The following KCNH7 variants were observed in gnomAD, a reference collection of about 807,000 sequenced individuals.
KCNH7 encodes voltage-gated inwardly rectifying potassium channel KCNH7.
In KCNH7, 49 loss-of-function variants were observed where a neutral mutation model predicts 120.8. The observed-to-expected ratio is 0.41, with a 90% confidence interval of 0.32 to 0.51. The LOEUF is 0.51. KCNH7 is among the 20% of genes least tolerant of loss of function. KCNH7 has a pLI of 0.38. For synonymous variants in KCNH7, 547 were observed against 516.1 expected (o/e 1.06, Z -0.81); for missense variants, 1,097 against 1,446.6 (o/e 0.76, Z 3.92).
At chr2:162,741,175 A>C (rs1235787482) in intron 2 of KCNH7, among the ~76,000 whole-genome samples, 1 of 150,360 alleles carries the variant, frequency 6.7e-6, no homozygotes, top group African/African-American at 2.5e-5. Flanking sequence ...AGCATTATAC[A>C]TATTAATAAC....
intron 2 of KCNH7, among the ~76,000 whole-genome samples, chr2:162,715,628 G>A (rs923928628): frequency 6.6e-6 from 1 of 152,128 alleles, no homozygotes; most frequent in African/African-American, 2.4e-5. Flanking sequence ...TGGGCCAATG[G>A]TACGTCAGCA....
At chr2:162,638,714 G>C (rs148211971) in intron 2 of KCNH7, among the ~76,000 whole-genome samples, 1 of 152,030 alleles carries the variant, frequency 6.6e-6, no homozygotes, top group Non-Finnish European at 1.5e-5. Context: ...TTACTCTCTG[G>C]CTGGTGACCC....
intron 9 of KCNH7, among the ~76,000 whole-genome samples, chr2:162,420,398 A>T (rs1481791629): frequency 1.3e-5 from 2 of 151,992 alleles, no homozygotes; most frequent in Non-Finnish European, 2.9e-5. Flanking sequence ...AAAAACAAAA[A>T]CAATACAAAA....
chr2:162,421,936 A>G (rs1364329497), intron 9 of KCNH7, among the ~76,000 whole-genome samples: 1 of 152,174 alleles, frequency 6.6e-6, no homozygotes, highest in East Asian at 1.9e-4. Context: ...CAGCCAACCC[A>G]GCAGCAGAGA....
intron 4 of KCNH7, among the ~76,000 whole-genome samples, chr2:162,517,300 T>A (rs75637434): frequency 1.3e-5 from 2 of 151,798 alleles, no homozygotes; most frequent in East Asian, 3.9e-4. Context: ...ACATCACAGT[T>A]CCTATGCTGC....
rs1409245349 is a variant in KCNH7 at position 162,632,155 on chromosome 2, CAT to C, written c.308-95077_308-95076del. On this transcript the variant is annotated intron_variant, in intron 2 of 15. Transcript: ENST00000332142. ...TAATCAACTGAAAACTACTGAAAGA[CAT>C]AAAATGATTCAGCAAGATGGTAAGT... 1.2e-4 allele frequency among the ~76,000 whole-genome samples: 18 copies of C among 152,006 alleles called. No homozygotes were observed. The South Asian group carries it at 3.5e-3, about 30-fold the overall frequency.
chr2:162,729,497 T>C (rs1687646060), intron 2 of KCNH7, among the ~76,000 whole-genome samples: 1 of 152,192 alleles, frequency 6.6e-6, no homozygotes, highest in African/African-American at 2.4e-5. Context: ...TCAATTGATA[T>C]TTGAAAATTG....
chr2:162,685,909 C>A (rs1019544583), intron 2 of KCNH7, among the ~76,000 whole-genome samples: 5 of 151,980 alleles, frequency 3.3e-5, no homozygotes, highest in Non-Finnish European at 5.9e-5. Context: ...GATTGTTACT[C>A]AGTCAGGAAA....
chr2:162,639,974 C>G (rs1207468052), intron 2 of KCNH7, among the ~76,000 whole-genome samples: 1 of 152,104 alleles, frequency 6.6e-6, no homozygotes, highest in African/African-American at 2.4e-5. Flanking sequence ...ACCAAGATTA[C>G]TTAGGTGTCA....
intron 9 of KCNH7, among the ~76,000 whole-genome samples, chr2:162,410,696 G>A (rs1216467124): frequency 6.6e-6 from 1 of 151,894 alleles, no homozygotes; most frequent in East Asian, 1.9e-4. Context: ...TGCACACTGT[G>A]CATCTGATAA....
rs564571771 is a variant in KCNH7, at chr2:162,566,058, C to A, written c.308-28978G>T. On this transcript the variant is annotated intron_variant, in intron 2 of 15. Transcript: ENST00000332142. ...AAGTTCCTTTCATCTATCTGGGAACCATGACCTGCCACTTTAATGCTCATA... is the reference window on the plus strand; with the variant it reads ...AAGTTCCTTTCATCTATCTGGGAACAATGACCTGCCACTTTAATGCTCATA... 3.9e-5 allele frequency among the ~76,000 whole-genome samples: 6 copies of A among 152,024 alleles called. No homozygotes were observed. In the East Asian group the frequency reaches 1.2e-3, roughly 29 times the overall value.
chr2:162,675,744 AG>A (rs1411347707), intron 2 of KCNH7, among the ~76,000 whole-genome samples: 1 of 151,594 alleles, frequency 6.6e-6, no homozygotes, highest in East Asian at 1.9e-4. Flanking sequence ...GAAGTACATC[AG>A]GTAGGGAGGA....
intron 2 of KCNH7, among the ~76,000 whole-genome samples, chr2:162,548,739 T>C (rs1171189596): frequency 2.6e-5 from 4 of 152,198 alleles, no homozygotes; most frequent in Non-Finnish European, 5.9e-5. Flanking sequence ...TGGAATAAGT[T>C]ACTTAACTGC....
At chr2:162,807,003 G>A (rs909412310) in intron 2 of KCNH7, among the ~76,000 whole-genome samples, 3 of 151,718 alleles carry the variant, frequency 2.0e-5, no homozygotes, top group African/African-American at 7.3e-5. Flanking sequence ...AGAAACTATA[G>A]TATAGAAATA....
intron 3 of KCNH7, among the ~76,000 whole-genome samples, chr2:162,527,325 A>G (rs1350687516): frequency 6.6e-6 from 1 of 152,064 alleles, no homozygotes; most frequent in Non-Finnish European, 1.5e-5. Context: ...GATTGTTTCT[A>G]TAGTAATGCT....
At chr2:162,749,478 C>T (rs1296882213) in intron 2 of KCNH7, among the ~76,000 whole-genome samples, 1 of 152,014 alleles carries the variant, frequency 6.6e-6, no homozygotes, top group African/African-American at 2.4e-5. Context: ...GAAACAACAA[C>T]ATAATAAAAA....
rs186162238 is a variant in KCNH7 at position 162,622,009 on chromosome 2, T to A, written c.308-84929A>T. Among the ~76,000 whole-genome samples the A allele has an allele frequency of 3.1e-3, 467 of 152,322 alleles. 2 individuals are homozygous for A. Among genetic ancestry groups the A allele is most frequent in the African/African-American group, 0.011 (445 of 41,580 alleles). On this transcript the variant is annotated intron_variant, in intron 2 of 15. Coordinates refer to ENST00000332142, the MANE Select transcript of KCNH7 (RefSeq NM_033272.4). ...TTTTTAAAGAATATTCAGTCTAATT[T>A]CTCTCTTGATATATAGTTTGCTATT...
At chr2:162,830,831 C>T (rs922733285) in intron 2 of KCNH7, among the ~76,000 whole-genome samples, 4 of 152,188 alleles carry the variant, frequency 2.6e-5, no homozygotes, top group African/African-American at 9.7e-5. Context: ...AAGAGCCAGC[C>T]TTCACCAGTC....
At chr2:162,514,926 A>G (rs1691228134) in intron 4 of KCNH7, among the ~76,000 whole-genome samples, 1 of 151,776 alleles carries the variant, frequency 6.6e-6, no homozygotes, top group African/African-American at 2.4e-5. Context: ...TGAGGAGACA[A>G]CAACCCAACT....
Sources: allele counts gnomAD v4.1 joint callset (sites outside exome capture counted in the v4.1 genomes callset), GRCh38; gene constraint gnomAD v4.1.1; transcripts MANE v1.5; gene names NCBI Gene and HGNC (gene_info 2026-07-23, HGNC 2026-07-21).